LSM14A: variants seen among roughly 807,000 people sequenced by gnomAD.
The protein encoded by LSM14A is LSM14A mRNA processing body assembly factor.
In LSM14A, 14 loss-of-function variants were observed where a neutral mutation model predicts 52.4. The observed-to-expected ratio is 0.27, with a 90% CI of 0.18 to 0.42. The LOEUF is 0.42. Ranked by LOEUF, LSM14A falls within the 10% of genes least tolerant of loss-of-function variation. LSM14A has a pLI of 1.00. For synonymous variants in LSM14A, 185 were observed against 200.3 expected, an observed-to-expected ratio of 0.92 and a Z score of 0.64; for missense variants, 417 against 581.8, an observed-to-expected ratio of 0.72 and a Z score of 2.91.
intron 2 of LSM14A, among the ~76,000 whole-genome samples, chr19:34,195,682 C>G (rs537132690): frequency 1.3e-5 from 2 of 152,250 alleles, no homozygotes; most frequent in Admixed American, 1.3e-4. Context: ...AAATGTGAAT[C>G]TCTTTAAATG....
chr19:34,205,465 G>A (rs1482420364), intron 3 of LSM14A, among the ~76,000 whole-genome samples: 10 of 126,288 alleles, frequency 7.9e-5, no homozygotes, highest in South Asian at 2.7e-4. Context: ...CAGCGTGGGC[G>A]ACAGAACAAG....
At chr19:34,194,785 C>T in intron 2 of LSM14A, 144 bp downstream of exon 2, 1 of 736,054 alleles carries the variant, frequency 1.4e-6, no homozygotes, top group South Asian at 1.6e-5. Flanking sequence ...ATGTTCTCAT[C>T]TAGGTTTTTC....
intron 3 of LSM14A, among the ~76,000 whole-genome samples, chr19:34,199,519 G>A (rs928221461): frequency 6.6e-6 from 1 of 152,136 alleles, no homozygotes; most frequent in African/African-American, 2.4e-5. Flanking sequence ...TTTTTACCAT[G>A]GAGACGGAAG....
intron 4 of LSM14A, among the ~76,000 whole-genome samples, chr19:34,212,128 G>A (rs539207525): frequency 8.5e-5 from 13 of 152,148 alleles, no homozygotes; most frequent in Middle Eastern, 3.4e-3. Flanking sequence ...TGGAAGCCAG[G>A]GATTTGAGAC....
In LSM14A at chr19:34,221,532, G is replaced by A. The variant is rs768048126; in HGVS notation, c.1162G>A (p.Glu388Lys). 3 of 1,613,970 alleles carry A rather than the reference G, an allele frequency of 1.9e-6. No homozygotes were observed. The highest frequency in any genetic ancestry group is 2.5e-6 in the Non-Finnish European group (3 of 1,180,012). ...AGAACGGAGACCAACCTGGGCTGAA[G>A]AAAGAAGATTAAATGCTGAAACATT... Reference protein sequence around the residue: ...NRERRPTWAEERRLNAETFGI... With the variant: ...NRERRPTWAEKRRLNAETFGI... Residue 388 changes from glutamate (E) to lysine (K), a missense_variant, in exon 9 of 10, where the codon GAA becomes AAA. Around this residue, in one of 2 missense-constraint regions of LSM14A, gnomAD observed 357 missense variants for 457.0 expected, o/e 0.78. Coordinates refer to ENST00000544216, the MANE Select transcript of LSM14A (RefSeq NM_015578.4).
chr19:34,173,503 G>A (rs1000532259), intron 1 of LSM14A, among the ~76,000 whole-genome samples: 1 of 152,132 alleles, frequency 6.6e-6, no homozygotes, highest in African/African-American at 2.4e-5. Flanking sequence ...AGGCTCAGTG[G>A]GCGTTGACTG....
At chr19:34,190,547 A>T (rs1357661934) in intron 1 of LSM14A, among the ~76,000 whole-genome samples, 1 of 152,122 alleles carries the variant, frequency 6.6e-6, no homozygotes, top group Non-Finnish European at 1.5e-5. Flanking sequence ...CAAAAAAAAA[A>T]AAAGTGTATC....
In LSM14A at chr19:34,219,696, T is replaced by C. The variant is rs1391956329; in HGVS notation, c.965-10T>C. The C allele has an allele frequency of 6.2e-7, 1 of 1,602,426 alleles. No individual in the cohort carries two copies. Among genetic ancestry groups the C allele is most frequent in the African/African-American group, 1.4e-5 (1 of 74,066 alleles). ...GTCTTGACTTTTCTGATATGTGCTT[T>C]TGTTCTTAGAAGATAAACTTGAGAA... On this transcript the variant is annotated splice_polypyrimidine_tract_variant and intron_variant, in intron 7 of 9. Coordinates refer to ENST00000544216, the MANE Select transcript of LSM14A (RefSeq NM_015578.4).
At chr19:34,211,614 T>TC (rs1451984914) in intron 4 of LSM14A, among the ~76,000 whole-genome samples, 1 of 151,984 alleles carries the variant, frequency 6.6e-6, no homozygotes, top group Non-Finnish European at 1.5e-5. Context: ...TAGTGAAACT[T>TC]CATCTCTACC....
At chr19:34,211,409 G>A (rs932647935) in intron 4 of LSM14A, among the ~76,000 whole-genome samples, 6 of 151,942 alleles carry the variant, frequency 3.9e-5, no homozygotes, top group Non-Finnish European at 8.8e-5. Context: ...TATATAATAA[G>A]AAATAAGTTG....
In LSM14A at chr19:34,229,257, T is replaced by C. The variant is rs1199438387; in HGVS notation, c.*1869T>C. The C allele has an allele frequency of 6.6e-6, 1 of 152,240 alleles. No individual in the cohort carries two copies. Among genetic ancestry groups the C allele is most frequent in the Non-Finnish European group, 1.5e-5 (1 of 68,036 alleles). 9.4% of individuals were successfully genotyped at this position (152,240 alleles called of 1,614,324 possible). On this transcript the variant is annotated 3_prime_UTR_variant, in exon 10 of 10. Transcript: ENST00000544216. Reference sequence around the variant, plus strand: ...TACAATATTAAAGCAAAGTTTTTATTCTAAAACAGAATAAAACTGTTCAAT... The same window carrying C: ...TACAATATTAAAGCAAAGTTTTTATCCTAAAACAGAATAAAACTGTTCAAT...
At chr19:34,174,538 G>A (rs1056001366) in intron 1 of LSM14A, among the ~76,000 whole-genome samples, 1 of 152,214 alleles carries the variant, frequency 6.6e-6, no homozygotes. Context: ...AGACTTGGCG[G>A]TTAGAAATCG....
intron 4 of LSM14A, among the ~76,000 whole-genome samples, chr19:34,213,067 T>C (rs561598944): frequency 6.6e-5 from 10 of 152,178 alleles, no homozygotes; most frequent in Non-Finnish European, 1.0e-4. Context: ...AGGAAGATCA[T>C]TGGGTCCCAG....
intron 1 of LSM14A, among the ~76,000 whole-genome samples, chr19:34,194,165 T>A (rs1401561711): frequency 1.3e-5 from 2 of 152,038 alleles, no homozygotes; most frequent in East Asian, 1.9e-4. Context: ...AGAGACCCAG[T>A]CTCATCAATA....
At chr19:34,224,002 A>G (rs944729) in intron 9 of LSM14A, among the ~76,000 whole-genome samples, 53,119 of 151,978 alleles carry the variant, frequency 0.35, 9,732 homozygotes, top group African/African-American at 0.4. Context: ...ACTCTTCCCA[A>G]GGGCATCCAT....
Position 34,215,133 on chromosome 19 carries a change from G to C in LSM14A, c.548G>C (p.Ser183Thr). The stretch of plus-strand genomic sequence containing the variant: ...TTTGGTTACATTTTAGGTCGCTCAA[G>C]CCCTCAGTTAGACCCTTTGAGAAAA... Reference protein sequence around the residue: ...LKTQLSQGRSSPQLDPLRKSP... With the variant: ...LKTQLSQGRSTPQLDPLRKSP... The change falls in exon 5 of 10, where the codon AGC (serine) becomes ACC (threonine). Residue 183 changes from serine (S) to threonine (T), a missense_variant. By Grantham distance (58) the Ser-to-Thr change is moderately conservative. Around this residue, in one of 2 missense-constraint regions of LSM14A, gnomAD observed 357 missense variants for 457.0 expected, o/e 0.78. Transcript: ENST00000544216. 6.2e-7 allele frequency: 1 copy of C among 1,608,550 alleles called. No individual in the cohort carries two copies. The highest frequency in any genetic ancestry group is 8.5e-7 in the Non-Finnish European group (1 of 1,178,462).
intron 1 of LSM14A, among the ~76,000 whole-genome samples, chr19:34,175,568 A>G (rs2069024950): frequency 6.6e-6 from 1 of 152,180 alleles, no homozygotes; most frequent in South Asian, 2.1e-4. Context: ...ATGTGTAACC[A>G]GTTTGGGGAA....
rs71165635 is a variant in LSM14A, at chr19:34,227,790, TTGTGTGTG to T, written c.*434_*441del. The T allele has an allele frequency of 2.3e-3, 345 of 152,440 alleles. 1 individual carries two copies. Among genetic ancestry groups the T allele is most frequent in the East Asian group, 3.8e-3 (19 of 5,060 alleles). The allele number at this position is 152,440 out of a possible 1,614,324, so 9.4% of individuals were successfully genotyped here. ...ATACTGTGTTTTGAGCCACAGAAGG[TTGTGTGTG>T]TGTGTGTGTGTGTGTGTGTGTGTGT... is the stretch of plus-strand genomic sequence containing the variant. On this transcript the variant is annotated 3_prime_UTR_variant, in exon 10 of 10. Coordinates refer to ENST00000544216, the MANE Select transcript of LSM14A (RefSeq NM_015578.4).
At chr19:34,202,102 A>G (rs1045083460) in intron 3 of LSM14A, among the ~76,000 whole-genome samples, 10 of 131,138 alleles carry the variant, frequency 7.6e-5, no homozygotes, top group Non-Finnish European at 1.5e-4. Flanking sequence ...CACCATGCCC[A>G]CCCTTATTAT....
Sources: allele counts gnomAD v4.1 joint callset (sites outside exome capture counted in the v4.1 genomes callset), GRCh38; gene constraint gnomAD v4.1.1; regional missense constraint gnomAD v4.1.1; transcripts MANE v1.5; gene names NCBI Gene and HGNC (gene_info 2026-07-23, HGNC 2026-07-21).